PARD3B: variants seen among roughly 807,000 people sequenced by gnomAD.
PARD3B encodes the protein partitioning defective 3 homolog B.
PARD3B carries 103 observed loss-of-function variants against 130.2 expected under a neutral mutation model. The ratio of observed to expected loss-of-function variants is 0.79; its 90% CI spans 0.67 to 0.93. The LOEUF is 0.93. Among genes scored for constraint, PARD3B ranks in the 40% least tolerant of loss-of-function variants. The pLI is 0.00. For synonymous variants in PARD3B, 583 were observed against 553.2 expected (o/e 1.05, Z -0.76); for missense variants, 1,609 against 1,499.2 (o/e 1.07, Z -1.21).
chr2:204,882,952 G>A (rs977247635), intron 2 of PARD3B, among the ~76,000 whole-genome samples: 1 of 152,118 alleles, frequency 6.6e-6, no homozygotes, highest in African/African-American at 2.4e-5. Context: ...CTTGGAAAAA[G>A]GGGACTGGAT....
chr2:205,181,748 T>A (rs1425296967), intron 13 of PARD3B, among the ~76,000 whole-genome samples: 1 of 152,090 alleles, frequency 6.6e-6, no homozygotes, highest in Non-Finnish European at 1.5e-5. Context: ...AAGATGATAA[T>A]TAAAAAGAAG....
At chr2:205,555,284 T>C (rs1019926350) in intron 22 of PARD3B, among the ~76,000 whole-genome samples, 5 of 152,186 alleles carry the variant, frequency 3.3e-5, no homozygotes, top group African/African-American at 1.2e-4. Context: ...ATTCACCTTG[T>C]ATCTGGTGAT....
chr2:205,593,236 A>G (rs1036306518), intron 22 of PARD3B, among the ~76,000 whole-genome samples: 1 of 152,224 alleles, frequency 6.6e-6, no homozygotes, highest in Admixed American at 6.5e-5. Context: ...TACCAGAAAA[A>G]ATACTAGAGA....
intron 2 of PARD3B, among the ~76,000 whole-genome samples, chr2:204,762,212 C>T (rs1346054079): frequency 6.7e-6 from 1 of 148,362 alleles, no homozygotes; most frequent in African/African-American, 2.5e-5. Flanking sequence ...ACCTCTGCCT[C>T]CCAGGTTCAA....
chr2:204,826,703 C>A (rs1160099712), intron 2 of PARD3B, among the ~76,000 whole-genome samples: 3 of 152,048 alleles, frequency 2.0e-5, no homozygotes, highest in Non-Finnish European at 4.4e-5. Flanking sequence ...TCACATCTTT[C>A]ATTTTGTTTT....
chr2:204,809,326 C>T lies in PARD3B; in HGVS notation c.222+123044C>T, dbSNP rs192822376. On this transcript the variant is annotated intron_variant, in intron 2 of 22. Coordinates refer to ENST00000406610, the MANE Select transcript of PARD3B (RefSeq NM_001302769.2). ...TTGCTTTTGTTACAATTGCTTTTGG[C>T]ATCTTTGTCATGAAACCTTTGCCAG... Among the ~76,000 whole-genome samples, 513 of 152,146 alleles carry T rather than the reference C, an allele frequency of 3.4e-3. 1 individual carries two copies. The highest frequency in any genetic ancestry group is 0.011 in the African/African-American group (470 of 41,532).
At chr2:204,932,467 C>G (rs1186261857) in intron 2 of PARD3B, among the ~76,000 whole-genome samples, 1 of 152,100 alleles carries the variant, frequency 6.6e-6, no homozygotes, top group Non-Finnish European at 1.5e-5. Flanking sequence ...TTGCATTTCT[C>G]CCTAAAGTAG....
chr2:205,039,069 C>A (rs1442855683), intron 3 of PARD3B, among the ~76,000 whole-genome samples: 2 of 151,934 alleles, frequency 1.3e-5, no homozygotes, highest in East Asian at 3.9e-4. Context: ...GATATCATTA[C>A]CAGTTTTTTT....
intron 2 of PARD3B, among the ~76,000 whole-genome samples, chr2:204,854,209 G>A (rs190676956): frequency 6.6e-6 from 1 of 152,264 alleles, no homozygotes; most frequent in East Asian, 1.9e-4. Flanking sequence ...AGAAACAGAA[G>A]AGTAAATTGG....
chr2:205,008,492 G>A (rs1355165264), intron 3 of PARD3B, among the ~76,000 whole-genome samples: 1 of 151,998 alleles, frequency 6.6e-6, no homozygotes, highest in African/African-American at 2.4e-5. Context: ...GTTGACCTTT[G>A]ACATTAATAT....
chr2:204,556,483 A>T (rs1187331582), intron 1 of PARD3B, among the ~76,000 whole-genome samples: 1 of 152,232 alleles, frequency 6.6e-6, no homozygotes, highest in African/African-American at 2.4e-5. Context: ...TAGACAAATA[A>T]TGCCCTTTGA....
In PARD3B at chr2:205,615,789, G is replaced by A; in HGVS notation, c.3594G>A (p.Lys1198=). 6.2e-7 allele frequency: 1 copy of A among 1,613,726 alleles called. No individual in the cohort carries two copies. The highest frequency in any genetic ancestry group is 1.1e-5 in the South Asian group (1 of 91,020). Residue 1198 remains lysine, a synonymous_variant, in exon 23 of 23, where the codon AAG becomes AAA. Coordinates refer to ENST00000406610, the MANE Select transcript of PARD3B (RefSeq NM_001302769.2). Reference sequence around the variant, plus strand: ...ACCGAACCCAGGATTCCCGGCAGAAGAACCCCATGACTGCAGCCGTATAGC... The same window carrying A: ...ACCGAACCCAGGATTCCCGGCAGAAAAACCCCATGACTGCAGCCGTATAGC... ...YPYRTQDSRQ[K]NPMTAAV is the part of the protein sequence containing the mutation.
intron 20 of PARD3B, among the ~76,000 whole-genome samples, chr2:205,477,666 G>C (rs898569005): frequency 1.3e-5 from 2 of 152,078 alleles, no homozygotes; most frequent in Non-Finnish European, 2.9e-5. Flanking sequence ...CAAAAGGAAG[G>C]AATTTGATTT....
At chr2:204,686,353 C>G (rs1293020666) in intron 2 of PARD3B, 71 bp downstream of exon 2, 75 of 1,089,116 alleles carry the variant, frequency 6.9e-5, no homozygotes, top group Non-Finnish European at 8.1e-5. Context: ...GACTGAAATC[C>G]TTAACAAACT....
At chr2:204,691,763 A>G (rs1339957730) in intron 2 of PARD3B, among the ~76,000 whole-genome samples, 3 of 152,168 alleles carry the variant, frequency 2.0e-5, no homozygotes, top group Non-Finnish European at 2.9e-5. Flanking sequence ...GTATTTAAAC[A>G]TCAAATAAAC....
intron 2 of PARD3B, among the ~76,000 whole-genome samples, chr2:204,716,536 G>A (rs1045101843): frequency 2.6e-5 from 4 of 151,572 alleles, no homozygotes; most frequent in Non-Finnish European, 5.9e-5. Flanking sequence ...GGAAGACAGT[G>A]GAAATGGACT....
intron 2 of PARD3B, among the ~76,000 whole-genome samples, chr2:204,937,001 A>G (rs1483204132): frequency 2.0e-5 from 3 of 152,254 alleles, no homozygotes; most frequent in Non-Finnish European, 2.9e-5. Flanking sequence ...AAAGGTATTG[A>G]GTAATATTAT....
At chr2:204,617,871 T>C (rs1346101836) in intron 1 of PARD3B, among the ~76,000 whole-genome samples, 1 of 152,222 alleles carries the variant, frequency 6.6e-6, no homozygotes, top group African/African-American at 2.4e-5. Flanking sequence ...GCAAAGGACA[T>C]GATCTCATTC....
At chr2:205,502,896 C>T (rs1295669108) in intron 21 of PARD3B, among the ~76,000 whole-genome samples, 2 of 151,962 alleles carry the variant, frequency 1.3e-5, no homozygotes, top group Non-Finnish European at 2.9e-5. Context: ...AGTTCTCTAC[C>T]ACTATTGCAC....
Sources: allele counts gnomAD v4.1 joint callset (sites outside exome capture counted in the v4.1 genomes callset), GRCh38; gene constraint gnomAD v4.1.1; transcripts MANE v1.5; gene names NCBI Gene and HGNC (gene_info 2026-07-23, HGNC 2026-07-21).